CYP2C19: variants seen among roughly 807,000 people sequenced by gnomAD.
CYP2C19 encodes cytochrome P450 2C19.
A neutral mutation model predicts 40.9 loss-of-function variants in CYP2C19; 59 were observed. The ratio of observed to expected loss-of-function variants is 1.44; its 90% CI spans 1.17 to 1.79. The LOEUF (loss-of-function observed/expected upper bound fraction) is 1.79, where lower values mean the gene tolerates loss of function less well. Ranked by LOEUF, CYP2C19 falls within the 40% of genes most tolerant of loss-of-function variation. The pLI, the probability that CYP2C19 is intolerant of heterozygous loss-of-function variation, is 0.00. For synonymous variants in CYP2C19, 253 were observed against 208.7 expected (o/e 1.21, Z -1.83); for missense variants, 754 against 596.9 (o/e 1.26, Z -2.74).
rs28399515 is a variant in CYP2C19, at chr10:94,853,213, G to A, written c.*299G>A. ...ATGATTTGTGTATTATAATTCAAAG[G>A]CATTTCTTCTCTGCATGTTCTAAAC... is the stretch of plus-strand genomic sequence containing the variant. On this transcript the variant is annotated 3_prime_UTR_variant, in exon 9 of 9. Coordinates refer to ENST00000371321, the MANE Select transcript of CYP2C19 (RefSeq NM_000769.4). 54 of 381,808 alleles carry A rather than the reference G, an allele frequency of 1.4e-4. No homozygotes were observed. Among genetic ancestry groups the A allele is most frequent in the Non-Finnish European group, 2.1e-4 (45 of 213,570 alleles). The allele number at this position is 381,808 out of a possible 1,614,324, so 23.7% of individuals were successfully genotyped here.
At chr10:94,832,971 T>C (rs1849355249) in intron 6 of CYP2C19, among the ~76,000 whole-genome samples, 1 of 152,180 alleles carries the variant, frequency 6.6e-6, no homozygotes, top group Admixed American at 6.5e-5. Context: ...ACAGAGATCT[T>C]TCAGTTCTTT....
At chr10:94,817,945 G>C (rs1032316042) in intron 5 of CYP2C19, among the ~76,000 whole-genome samples, 29 of 149,454 alleles carry the variant, frequency 1.9e-4, no homozygotes, top group African/African-American at 6.9e-4. Context: ...CCCGGGAGGC[G>C]GAGCTTGCAG....
chr10:94,816,737 C>G (rs900551350), intron 5 of CYP2C19, among the ~76,000 whole-genome samples: 1 of 129,482 alleles, frequency 7.7e-6, no homozygotes, highest in Non-Finnish European at 1.6e-5. Context: ...CCTCCCCCCA[C>G]CCCACATCAG....
At chr10:94,824,489 C>A (rs1467325260) in intron 6 of CYP2C19, among the ~76,000 whole-genome samples, 1 of 152,084 alleles carries the variant, frequency 6.6e-6, no homozygotes, top group African/African-American at 2.4e-5. Context: ...ATTGCAGACT[C>A]TCACACACAC....
chr10:94,763,468 G>A (rs1439342741), intron 1 of CYP2C19, among the ~76,000 whole-genome samples: 3 of 152,098 alleles, frequency 2.0e-5, no homozygotes, highest in East Asian at 1.9e-4. Context: ...GTAGAAAGAG[G>A]GTTAGAAGAT....
rs761974458 is a variant in CYP2C19, at chr10:94,852,934, C to T, written c.*20C>T. 1 of 1,613,300 alleles carries T rather than the reference C, an allele frequency of 6.2e-7. No individual in the cohort carries two copies. The highest frequency in any genetic ancestry group is 8.5e-7 in the Non-Finnish European group (1 of 1,179,484). ...GTCTGAAGAAGCACAGATGGTCTGG[C>T]TGCTCCTGTGCTGTCCCTGCAGCTC... On this transcript the variant is annotated 3_prime_UTR_variant, in exon 9 of 9. Coordinates refer to ENST00000371321, the MANE Select transcript of CYP2C19 (RefSeq NM_000769.4).
rs555854499 is a variant in CYP2C19 at position 94,803,987 on chromosome 10, A to G, written c.820-16509A>G. On this transcript the variant is annotated intron_variant, in intron 5 of 8. Transcript: ENST00000371321. ...GGCTCAGGGTGCTGATCCAGGTGAG[A>G]AATGCTCTAAATGCTTAGCAGTCTG... Among the ~76,000 whole-genome samples, 475 of 151,882 alleles carry G rather than the reference A, an allele frequency of 3.1e-3. 3 individuals are homozygous for G. The highest frequency in any genetic ancestry group is 0.011 in the African/African-American group (452 of 41,408).
intron 3 of CYP2C19, among the ~76,000 whole-genome samples, chr10:94,778,751 T>A (rs1848443292): frequency 6.6e-6 from 1 of 152,166 alleles, no homozygotes; most frequent in South Asian, 2.1e-4. Flanking sequence ...GATCTAGCAA[T>A]CCCATTACTG....
intron 5 of CYP2C19, among the ~76,000 whole-genome samples, chr10:94,784,660 G>A (rs564682138): frequency 6.6e-6 from 1 of 151,892 alleles, no homozygotes. Flanking sequence ...CTGTTGCCTA[G>A]GCTCGAGTGC....
chr10:94,847,065 A>T (rs202200841), intron 7 of CYP2C19, among the ~76,000 whole-genome samples: 1 of 149,576 alleles, frequency 6.7e-6, no homozygotes, highest in African/African-American at 2.5e-5. Flanking sequence ...ACTTTATTTT[A>T]TTTATTTATT....
At chr10:94,816,282 T>C (rs1000976030) in intron 5 of CYP2C19, among the ~76,000 whole-genome samples, 1 of 151,056 alleles carries the variant, frequency 6.6e-6, no homozygotes, top group South Asian at 2.1e-4. Flanking sequence ...ATTTTTTTTA[T>C]TTTTATGGCA....
chr10:94,783,925 A>G (rs1445251057), intron 5 of CYP2C19, among the ~76,000 whole-genome samples: 1 of 152,190 alleles, frequency 6.6e-6, no homozygotes, highest in Non-Finnish European at 1.5e-5. Flanking sequence ...TTCACACAAC[A>G]TACAATTAAC....
At chr10:94,794,551 C>T (rs1022998904) in intron 5 of CYP2C19, among the ~76,000 whole-genome samples, 5 of 152,050 alleles carry the variant, frequency 3.3e-5, no homozygotes, top group Non-Finnish European at 5.9e-5. Context: ...ATATTTTTTC[C>T]ATTTCTTTGT....
Position 94,763,625 on chromosome 10 carries a change from T to A in CYP2C19, c.168+752T>A, listed in dbSNP as rs115666503. Among the ~76,000 whole-genome samples the A allele has an allele frequency of 2.7e-3, 409 of 152,134 alleles. 2 individuals carry two copies. Among genetic ancestry groups the A allele is most frequent in the African/African-American group, 9.2e-3 (383 of 41,538 alleles). On this transcript the variant is annotated intron_variant, in intron 1 of 8. Coordinates refer to ENST00000371321, the MANE Select transcript of CYP2C19 (RefSeq NM_000769.4). The stretch of plus-strand genomic sequence containing the variant: ...ATTAAGCCTTATAAGCATGATGGTA[T>A]GATCAGATCAAGAGAATGAGGCTGT...
chr10:94,783,223 A>C (rs1222147899), intron 5 of CYP2C19, among the ~76,000 whole-genome samples: 2 of 152,164 alleles, frequency 1.3e-5, no homozygotes, highest in African/African-American at 4.8e-5. Flanking sequence ...TAGGATGAAA[A>C]TGGGCATCAT....
chr10:94,787,509 A>T (rs1200666643), intron 5 of CYP2C19, among the ~76,000 whole-genome samples: 1 of 152,108 alleles, frequency 6.6e-6, no homozygotes, highest in African/African-American at 2.4e-5. Flanking sequence ...ATTAGGTCCC[A>T]CTTGTCAATA....
intron 5 of CYP2C19, among the ~76,000 whole-genome samples, chr10:94,815,633 C>T (rs537742051): frequency 6.6e-6 from 1 of 152,318 alleles, no homozygotes; most frequent in East Asian, 1.9e-4. Context: ...TATTCTCCAT[C>T]TTCATCATTC....
intron 6 of CYP2C19, among the ~76,000 whole-genome samples, chr10:94,827,518 T>C (rs894618052): frequency 1.1e-4 from 17 of 152,246 alleles, no homozygotes; most frequent in Admixed American, 1.0e-3. Context: ...ATCCCCTTTA[T>C]CGTTTTTTAT....
At chr10:94,785,542 C>T (rs1848529936) in intron 5 of CYP2C19, among the ~76,000 whole-genome samples, 1 of 152,044 alleles carries the variant, frequency 6.6e-6, no homozygotes. Context: ...TATGCTAGTA[C>T]CACACTTTTG....
Sources: gnomAD v4.1 joint callset for allele counts (sites outside exome capture counted in the v4.1 genomes callset) on GRCh38, gnomAD v4.1.1 for gene constraint, MANE v1.5 for transcripts, NCBI Gene and HGNC (gene_info 2026-07-23, HGNC 2026-07-21) for gene names.